The following TNC variants were observed in gnomAD, a reference collection of about 807,000 sequenced individuals.
TNC encodes tenascin.
In TNC, 109 loss-of-function variants were observed where a neutral mutation model predicts 202.4. That is an observed-to-expected ratio of 0.54 (90% CI 0.46 to 0.63). The LOEUF (loss-of-function observed/expected upper bound fraction) is 0.63, where lower values mean the gene tolerates loss of function less well. TNC is among the 30% of genes least tolerant of loss of function. The pLI is 0.00. For missense variants in TNC, 2,756 were observed against 2,833.3 expected, an observed-to-expected ratio of 0.97 and a Z score of 0.62; for synonymous variants, 1,007 against 1,089.7, an observed-to-expected ratio of 0.92 and a Z score of 1.50.
At position 115,086,443 on chromosome 9, in the gene TNC, T is replaced by C. The variant is rs753726749; in HGVS notation, c.1288A>G (p.Thr430Ala). ...CGTAGCTGGCTGCAGTCCTCCCCAGTATAGCCCTCATCACACACACACTGC... is the reference window on the plus strand; with the variant it reads ...CGTAGCTGGCTGCAGTCCTCCCCAGCATAGCCCTCATCACACACACACTGC... ...NGQCVCDEGY[T>A]GEDCSQLRCP... The change falls in exon 3 of 28, where the codon ACT becomes GCT. Residue 430 changes from threonine to alanine, a missense_variant. Around this residue, in one of 2 missense-constraint regions of TNC, gnomAD observed 2,559 missense variants for 2,546.0 expected, o/e 1.01. Coordinates refer to ENST00000350763, the MANE Select transcript of TNC (RefSeq NM_002160.4). 8.7e-6 allele frequency: 14 copies of C among 1,613,598 alleles called. No homozygotes were observed. Among genetic ancestry groups the C allele is most frequent in the Non-Finnish European group, 1.2e-5 (14 of 1,179,946 alleles).
At chr9:115,038,967 G>A (rs1588028950) in intron 19 of TNC, among the ~76,000 whole-genome samples, 2 of 152,188 alleles carry the variant, frequency 1.3e-5, no homozygotes, top group African/African-American at 4.8e-5. Flanking sequence ...AGCTGGGATT[G>A]CAGGTGTGCA....
At chr9:115,073,550 C>A (rs980083708) in intron 10 of TNC, 53 bp downstream of exon 10, 63 of 1,577,086 alleles carry the variant, frequency 4.0e-5, no homozygotes, top group Non-Finnish European at 5.3e-5. Context: ...CTGAGGAGAT[C>A]TGCTAACCTC....
Position 115,048,431 on chromosome 9 carries a change from C to A in TNC, c.4681G>T (p.Val1561Leu), listed in dbSNP as rs1831378075. Residue 1561 changes from valine (V) to leucine (L), a missense_variant, in exon 16 of 28, where the codon GTA (valine) becomes TTA (leucine). Around this residue, in one of 2 missense-constraint regions of TNC, gnomAD observed 2,559 missense variants for 2,546.0 expected, o/e 1.01. Transcript: ENST00000350763. ...AGCTTCCCAGAATCCACCACCGTTACTAGAAAGCTGTCAAAGGCATTCTCC... is the reference window on the plus strand; with the variant it reads ...AGCTTCCCAGAATCCACCACCGTTAATAGAAAGCTGTCAAAGGCATTCTCC... The part of the protein sequence containing the change: ...ASENAFDSFL[V>L]TVVDSGKLLD... 6.2e-7 allele frequency: 1 copy of A among 1,614,038 alleles called. No homozygotes were observed. The highest frequency in any genetic ancestry group is 8.5e-7 in the Non-Finnish European group (1 of 1,179,956).
At chr9:115,077,024 A>G (rs1833913718) in intron 7 of TNC, among the ~76,000 whole-genome samples, 1 of 151,116 alleles carries the variant, frequency 6.6e-6, no homozygotes, top group Admixed American at 6.6e-5. Flanking sequence ...CAGCCTCCCG[A>G]GTACCTGGGA....
At chr9:115,041,462 G>T (rs1460062148) in intron 18 of TNC, among the ~76,000 whole-genome samples, 1 of 152,188 alleles carries the variant, frequency 6.6e-6, no homozygotes, top group Non-Finnish European at 1.5e-5. Context: ...TGCACCCATT[G>T]TCTTGGCTTA....
At chr9:115,076,004 T>C in intron 9 of TNC, 28 bp downstream of exon 9, 1 of 1,596,106 alleles carries the variant, frequency 6.3e-7, no homozygotes, top group East Asian at 2.2e-5. Flanking sequence ...ACCAGCTCAG[T>C]GGGATGGGAA....
chr9:115,108,068 T>G (rs1216940835), intron 1 of TNC, among the ~76,000 whole-genome samples: 1 of 152,200 alleles, frequency 6.6e-6, no homozygotes, highest in Non-Finnish European at 1.5e-5. Context: ...GCTCATTGAT[T>G]GTCTTTGCCA....
At chr9:115,042,722 G>A (rs577470727) in intron 17 of TNC, among the ~76,000 whole-genome samples, 48 of 152,034 alleles carry the variant, frequency 3.2e-4, no homozygotes, top group Non-Finnish European at 6.0e-4. Context: ...ACTAAGACTT[G>A]ACAACTGTAC....
At chr9:115,066,640 C>T (rs79077337) in intron 10 of TNC, among the ~76,000 whole-genome samples, 1 of 152,142 alleles carries the variant, frequency 6.6e-6, no homozygotes, top group African/African-American at 2.4e-5. Flanking sequence ...AACTGTTACC[C>T]GAGGCCCACA....
chr9:115,109,298 T>C (rs1836861076), intron 1 of TNC, among the ~76,000 whole-genome samples: 1 of 152,242 alleles, frequency 6.6e-6, no homozygotes, highest in Non-Finnish European at 1.5e-5. Context: ...GTTCATGAAC[T>C]ACATCATTTA....
chr9:115,084,345 T>C lies in TNC; in HGVS notation c.1995A>G (p.Glu665=). ...VYTPTHEGGL[E]MQFRVPGDQT... is the part of the protein sequence containing the mutation. ...GGTCCCCAGGCACACGGAACTGCAT[T>C]TCCAGACCACCCTCGTGGGTGGGCG... Residue 665 remains glutamate (E), a synonymous_variant, in exon 4 of 28, where the codon GAA becomes GAG. Coordinates refer to ENST00000350763, the MANE Select transcript of TNC (RefSeq NM_002160.4). 3 of 1,614,154 alleles carry C rather than the reference T, an allele frequency of 1.9e-6. No individual in the cohort carries two copies. The highest frequency in any genetic ancestry group is 1.7e-6 in the Non-Finnish European group (2 of 1,180,024).
At chr9:115,061,070 T>C (rs1048653885) in intron 13 of TNC, among the ~76,000 whole-genome samples, 1 of 152,214 alleles carries the variant, frequency 6.6e-6, no homozygotes, top group Non-Finnish European at 1.5e-5. Context: ...GGGATGCTTC[T>C]GAGGGTTAAA....
In TNC at chr9:115,091,375, A is replaced by T. The variant is rs547935971; in HGVS notation, c.-136-221T>A. On this transcript the variant is annotated intron_variant, in intron 1 of 27. Transcript: ENST00000350763. Reference sequence around the variant, plus strand: ...ATTCAACTTCTGTAAATTTAAGGAGACAGAAAAATAGAGAGAAAAAGGTAA... The same window carrying T: ...ATTCAACTTCTGTAAATTTAAGGAGTCAGAAAAATAGAGAGAAAAAGGTAA... 3.3e-5 allele frequency among the ~76,000 whole-genome samples: 5 copies of T among 152,334 alleles called. No homozygotes were observed. The East Asian group carries it at 9.6e-4, about 29-fold the overall frequency.
chr9:115,095,568 ATATATATG>A lies in TNC; in HGVS notation c.-136-4422_-136-4415del, dbSNP rs1564138746. ...TATGTATATATATGTATATATATGT[ATATATATG>A]TATATATATGTATATATATGTATAT... On this transcript the variant is annotated intron_variant, in intron 1 of 27. Transcript: ENST00000350763. 1.5e-3 allele frequency among the ~76,000 whole-genome samples: 3 copies of A among 1,962 alleles called. 1 individual carries two copies. Among genetic ancestry groups the A allele is most frequent in the African/African-American group, 3.6e-3 (3 of 824 alleles). The allele number at this position is 1,962 out of a possible 152,430, so 1.3% of individuals were successfully genotyped here.
At chr9:115,083,859 C>A (rs1403007089) in intron 4 of TNC, among the ~76,000 whole-genome samples, 1 of 152,178 alleles carries the variant, frequency 6.6e-6, no homozygotes, top group Non-Finnish European at 1.5e-5. Context: ...CCTACTTTGG[C>A]CTCCCAAAGT....
At chr9:115,079,963 A>G (rs1449658697) in intron 6 of TNC, among the ~76,000 whole-genome samples, 1 of 152,218 alleles carries the variant, frequency 6.6e-6, no homozygotes, top group African/African-American at 2.4e-5. Flanking sequence ...GGTTTCAGGT[A>G]TATGTGGTAA....
At chr9:115,030,192 C>G in intron 24 of TNC, 62 bp downstream of exon 24, 1 of 1,506,484 alleles carries the variant, frequency 6.6e-7, no homozygotes, top group South Asian at 1.3e-5. Flanking sequence ...TTCTCCTCCC[C>G]TGCTTTGCCC....
intron 13 of TNC, among the ~76,000 whole-genome samples, chr9:115,060,928 T>C (rs969782294): frequency 6.6e-6 from 1 of 152,188 alleles, no homozygotes; most frequent in Non-Finnish European, 1.5e-5. Context: ...AGAAAGGAGA[T>C]TTTTCTCAGT....
At chr9:115,035,880 C>T in intron 21 of TNC, 1 of 526,634 alleles carries the variant, frequency 1.9e-6, no homozygotes, top group East Asian at 2.9e-5. Flanking sequence ...CTTTTCCTTC[C>T]CCGTGGGGAG....
Sources: gnomAD v4.1 joint callset for allele counts (sites outside exome capture counted in the v4.1 genomes callset) on GRCh38, gnomAD v4.1.1 for gene constraint, gnomAD v4.1.1 regional missense constraint, MANE v1.5 for transcripts, NCBI Gene and HGNC (gene_info 2026-07-23, HGNC 2026-07-21) for gene names.